Variants in TOX observed in about 807,000 individuals in gnomAD.
TOX encodes thymocyte selection associated high mobility group box, also known as thymocyte selection-associated high mobility group box protein TOX.
TOX carries 11 observed loss-of-function variants against 53.7 expected under a neutral mutation model. The ratio of observed to expected loss-of-function variants is 0.20; its 90% CI spans 0.13 to 0.34. TOX has a LOEUF of 0.34. TOX is among the 10% of genes least tolerant of loss of function. TOX has a pLI of 1.00. For synonymous variants in TOX, 225 were observed against 245.3 expected, an observed-to-expected ratio of 0.92 and a Z score of 0.77; for missense variants, 570 against 664.6, an observed-to-expected ratio of 0.86 and a Z score of 1.56.
At chr8:58,903,372 G>A (rs1373001105) in intron 3 of TOX, among the ~76,000 whole-genome samples, 3 of 152,176 alleles carry the variant, frequency 2.0e-5, no homozygotes, top group Non-Finnish European at 2.9e-5. Flanking sequence ...CTTGCAGAAG[G>A]AGGCGGGTTA....
intron 1 of TOX, among the ~76,000 whole-genome samples, chr8:59,014,346 G>A (rs1358718887): frequency 2.6e-5 from 4 of 152,142 alleles, no homozygotes; most frequent in Non-Finnish European, 5.9e-5. Context: ...ACGCCTCCTC[G>A]TAAAATTACC....
intron 1 of TOX, among the ~76,000 whole-genome samples, chr8:59,006,065 GT>G (rs1813787276): frequency 6.6e-6 from 1 of 152,176 alleles, no homozygotes; most frequent in Non-Finnish European, 1.5e-5. Context: ...TTAAGGATAG[GT>G]TTTATATAGA....
chr8:59,049,115 A>C (rs538148541), intron 1 of TOX, among the ~76,000 whole-genome samples: 1 of 131,734 alleles, frequency 7.6e-6, no homozygotes, highest in South Asian at 3.7e-4. Context: ...AATGAAAAAA[A>C]CAAACAGCTG....
At chr8:58,815,898 A>G (rs1810168351) in intron 6 of TOX, among the ~76,000 whole-genome samples, 174 bp from the exon 7 acceptor site, 1 of 152,176 alleles carries the variant, frequency 6.6e-6, no homozygotes, top group Admixed American at 6.5e-5. Context: ...TTTATAGAAG[A>G]CAGCTTCTAT....
At position 59,118,599 on chromosome 8, in the gene TOX, T is replaced by TA. The variant is rs1248836866; in HGVS notation, c.102+286dup. Reference sequence around the variant, plus strand: ...CCACGGTTTTCTCTTATTATTTTTTTAAACGCCCCCCGGCAAACCTAGGCA... The same window carrying TA: ...CCACGGTTTTCTCTTATTATTTTTTTAAAACGCCCCCCGGCAAACCTAGGCA... On this transcript the variant is annotated intron_variant, in intron 1 of 8. Transcript: ENST00000361421. The surrounding 1 kb of genome is among the most constrained non-coding windows in gnomAD (Gnocchi z 4.1). Among the ~76,000 whole-genome samples, 1 of 152,166 alleles carries TA rather than the reference T, an allele frequency of 6.6e-6. No homozygotes were observed. The highest frequency in any genetic ancestry group is 1.5e-5 in the Non-Finnish European group (1 of 68,024).
intron 1 of TOX, among the ~76,000 whole-genome samples, chr8:58,982,899 C>T (rs1237651194): frequency 1.3e-5 from 2 of 152,168 alleles, no homozygotes; most frequent in Non-Finnish European, 2.9e-5. Flanking sequence ...CTCAGTGAAG[C>T]CAAACCAATG....
Position 58,808,333 on chromosome 8 carries a change from ATATT to A in TOX, c.1393-68_1393-65del, listed in dbSNP as rs1810023784. The A allele has an allele frequency of 7.1e-6, 11 of 1,544,906 alleles. No homozygotes were observed. The East Asian group carries it at 2.1e-4, about 29-fold the overall frequency. The stretch of plus-strand genomic sequence containing the variant: ...GCATTTTAAGAAGAAAAGCACCTAA[ATATT>A]TATTCATTCTTTGCAGACACACTAG... On this transcript the variant is annotated intron_variant, in intron 7 of 8. Coordinates refer to ENST00000361421, the MANE Select transcript of TOX (RefSeq NM_014729.3).
intron 2 of TOX, among the ~76,000 whole-genome samples, chr8:58,941,537 T>C (rs558755335): frequency 1.3e-5 from 2 of 152,316 alleles, no homozygotes; most frequent in South Asian, 2.1e-4. Flanking sequence ...TCTTATTAGG[T>C]TGAATGATAC....
chr8:58,879,069 A>AAAAC (rs1234666775), intron 3 of TOX, among the ~76,000 whole-genome samples: 3 of 151,712 alleles, frequency 2.0e-5, no homozygotes, highest in African/African-American at 7.3e-5. Flanking sequence ...TCAAAAAAAA[A>AAAAC]AAAACAAAAA....
intron 2 of TOX, among the ~76,000 whole-genome samples, chr8:58,954,391 T>C (rs1812677135): frequency 6.6e-6 from 1 of 152,200 alleles, no homozygotes; most frequent in African/African-American, 2.4e-5. Flanking sequence ...TTAGTTGATT[T>C]GCTTATCTTT....
intron 1 of TOX, among the ~76,000 whole-genome samples, chr8:59,024,066 A>C (rs183509611): frequency 1.3e-5 from 2 of 152,334 alleles, no homozygotes; most frequent in East Asian, 3.9e-4. Flanking sequence ...GCTGTATATT[A>C]ATAGAACATC....
intron 4 of TOX, among the ~76,000 whole-genome samples, chr8:58,841,050 G>GTACT (rs1326230199): frequency 6.6e-6 from 1 of 152,220 alleles, no homozygotes. Context: ...TCTTGTGAGT[G>GTACT]TACTTAGGTA....
intron 1 of TOX, among the ~76,000 whole-genome samples, chr8:58,960,915 C>T (rs1197676576): frequency 6.6e-6 from 1 of 152,154 alleles, no homozygotes; most frequent in African/African-American, 2.4e-5. Context: ...AGGTAATAAT[C>T]AAATGGATGA....
intron 3 of TOX, among the ~76,000 whole-genome samples, chr8:58,893,633 C>T (rs1811595088): frequency 6.6e-6 from 1 of 152,182 alleles, no homozygotes; most frequent in African/African-American, 2.4e-5. Context: ...CCTCTTCTCG[C>T]ATGTGGAGTT....
intron 1 of TOX, among the ~76,000 whole-genome samples, chr8:59,086,535 TTAA>T (rs1804513100): frequency 1.3e-5 from 2 of 152,194 alleles, no homozygotes; most frequent in Admixed American, 6.5e-5. Flanking sequence ...GTCACTAAGA[TTAA>T]AAAAGAAGTT....
intron 3 of TOX, among the ~76,000 whole-genome samples, chr8:58,895,449 G>T (rs1329460405): frequency 6.6e-6 from 1 of 152,042 alleles, no homozygotes; most frequent in Admixed American, 6.6e-5. Flanking sequence ...GTATTAAAAG[G>T]AATACAAAAA....
At chr8:59,073,339 A>T (rs184459329) in intron 1 of TOX, among the ~76,000 whole-genome samples, 20 of 152,290 alleles carry the variant, frequency 1.3e-4, no homozygotes, top group Non-Finnish European at 2.6e-4. Flanking sequence ...TTTGTTAAAC[A>T]TCCCTTGCTA....
chr8:59,047,191 C>A, intron 1 of TOX, among the ~76,000 whole-genome samples: 1 of 139,362 alleles, frequency 7.2e-6, no homozygotes. Context: ...TTGAACAATT[C>A]CACCAAGAAT....
intron 1 of TOX, among the ~76,000 whole-genome samples, chr8:59,011,827 T>C (rs1431209111): frequency 6.6e-6 from 1 of 152,130 alleles, no homozygotes; most frequent in Non-Finnish European, 1.5e-5. Context: ...AGCCAACACA[T>C]CTTAATGTCT....
Sources: allele counts gnomAD v4.1 joint callset (sites outside exome capture counted in the v4.1 genomes callset), GRCh38; gene constraint gnomAD v4.1.1; non-coding constraint Gnocchi (gnomAD v3.1); transcripts MANE v1.5; gene names NCBI Gene and HGNC (gene_info 2026-07-23, HGNC 2026-07-21).